NUP50: variants seen among roughly 807,000 people sequenced by gnomAD.
The protein encoded by NUP50 is nuclear pore complex protein Nup50.
Under a neutral mutation model 36.8 loss-of-function variants are expected in NUP50, and 14 were observed. That is an observed-to-expected ratio of 0.38 (90% confidence interval 0.25 to 0.59). The LOEUF (loss-of-function observed/expected upper bound fraction) is 0.59. NUP50 is among the 20% of genes least tolerant of loss of function. NUP50 has a pLI of 0.63. For missense variants in NUP50, 455 were observed against 564.6 expected (o/e 0.81, Z 1.97); for synonymous variants, 195 against 210.8 (o/e 0.93, Z 0.65).
intron 7 of NUP50, chr22:45,184,194 C>T: frequency 2.0e-6 from 1 of 493,118 alleles, no homozygotes; most frequent in Non-Finnish European, 3.6e-6. Flanking sequence ...AGCGAGGCTG[C>T]TGGCTCTGAG....
rs139118087 is a variant in NUP50, at chr22:45,185,582, C to T, written c.*927C>T. On this transcript the variant is annotated 3_prime_UTR_variant, in exon 8 of 8. Coordinates refer to ENST00000347635, the MANE Select transcript of NUP50 (RefSeq NM_007172.4). ...TGCCTGGGAGCTTTGACACACGAGC[C>T]GTGTGAATTCACTAGGAAACATGTA... The T allele has an allele frequency of 2.0e-5, 3 of 152,054 alleles. No homozygotes were observed. Among genetic ancestry groups the T allele is most frequent in the Admixed American group, 6.6e-5 (1 of 15,254 alleles). The allele number at this position is 152,054 out of a possible 1,614,324, so 9.4% of individuals were successfully genotyped here. A position where few individuals can be genotyped will look rare whatever the true frequency, so the allele number is the denominator to read the frequency against.
At chr22:45,181,220 A>C in intron 5 of NUP50, 66 bp from the exon 6 acceptor site, 1 of 1,145,616 alleles carries the variant, frequency 8.7e-7, no homozygotes, top group Non-Finnish European at 1.2e-6. Context: ...TTACGTAACA[A>C]AACTTCAGTC....
chr22:45,174,674 C>CTATGAAT (rs1273055811), intron 3 of NUP50, among the ~76,000 whole-genome samples: 1 of 145,432 alleles, frequency 6.9e-6, no homozygotes, highest in African/African-American at 2.6e-5. Flanking sequence ...TATAGTTTGT[C>CTATGAAT]CATGAATCAT....
rs114791101 is a variant in NUP50, at chr22:45,167,767, T to G, written c.-10-401T>G. ...TTTAAGAGAATTTTAAATATTAAAA[T>G]TATTTTCTTTATGACAAGACTTTCA... On this transcript the variant is annotated intron_variant, in intron 1 of 7. Transcript: ENST00000347635. Among the ~76,000 whole-genome samples, 861 of 152,346 alleles carry G rather than the reference T, an allele frequency of 5.7e-3. 11 individuals are homozygous for G. The highest frequency in any genetic ancestry group is 0.02 in the African/African-American group (823 of 41,558).
chr22:45,169,413 G>A (rs1601768866), intron 2 of NUP50, among the ~76,000 whole-genome samples: 3 of 152,150 alleles, frequency 2.0e-5, no homozygotes, highest in Admixed American at 2.0e-4. Flanking sequence ...GGATGTGGGC[G>A]AAGGATTACC....
intron 1 of NUP50, among the ~76,000 whole-genome samples, chr22:45,167,862 T>TA (rs2074119719): frequency 6.6e-6 from 1 of 152,216 alleles, no homozygotes; most frequent in African/African-American, 2.4e-5. Flanking sequence ...TCCAGATTTT[T>TA]AAAAAATCAA....
Position 45,175,882 on chromosome 22 carries a change from T to C in NUP50, c.154-12T>C, listed in dbSNP as rs1480815305. On this transcript the variant is annotated splice_polypyrimidine_tract_variant and intron_variant, in intron 3 of 7. Transcript: ENST00000347635. ...ACACTTACCTAATGTGTGCTCCTCC[T>C]TCATACTTCAGTCTGACACTGGAGG... 1.2e-6 allele frequency: 2 copies of C among 1,613,834 alleles called. No individual in the cohort carries two copies. Among genetic ancestry groups the C allele is most frequent in the East Asian group, 2.2e-5 (1 of 44,882 alleles).
Position 45,183,410 on chromosome 22 carries a change from T to C in NUP50, c.1094T>C (p.Leu365Pro). 1 of 1,582,766 alleles carries C rather than the reference T, an allele frequency of 6.3e-7. No homozygotes were observed. Among genetic ancestry groups the C allele is most frequent in the Non-Finnish European group, 8.7e-7 (1 of 1,153,404 alleles). ...ATTATTTTTCTCCATAGGTGTAAAC[T>C]GTTTTACAAGAAAGACAATGAGTTT... ...EDAFYSKKCK[L>P]FYKKDNEFKE... The change falls in exon 7 of 8, where the codon CTG becomes CCG. Residue 365 changes from leucine to proline, a missense_variant. By Grantham distance (98) the Leu-to-Pro change is moderately conservative. Coordinates refer to ENST00000347635, the MANE Select transcript of NUP50 (RefSeq NM_007172.4).
intron 6 of NUP50, among the ~76,000 whole-genome samples, chr22:45,182,577 A>AT: frequency 6.7e-6 from 1 of 148,202 alleles, no homozygotes; most frequent in Admixed American, 6.7e-5. Flanking sequence ...TTCCAAATTT[A>AT]TTTAAAAATG....
At chr22:45,168,065 C>T (rs1356790099) in intron 1 of NUP50, 103 bp from the exon 2 acceptor site, 3 of 828,292 alleles carry the variant, frequency 3.6e-6, no homozygotes, top group Non-Finnish European at 5.7e-6. Context: ...ATAAAAAAAC[C>T]AGAGATGTTT....
intron 2 of NUP50, among the ~76,000 whole-genome samples, chr22:45,168,559 C>G (rs2074131677): frequency 6.6e-6 from 1 of 152,154 alleles, no homozygotes; most frequent in South Asian, 2.1e-4. Flanking sequence ...CATTCTGAAC[C>G]CATGTTTGCA....
intron 6 of NUP50, among the ~76,000 whole-genome samples, chr22:45,182,983 G>T (rs1197044370): frequency 2.0e-5 from 3 of 150,182 alleles, no homozygotes; most frequent in South Asian, 2.1e-4. Flanking sequence ...AGGTGGGCGA[G>T]ATAGGACAGG....
In NUP50 at chr22:45,187,430, A is replaced by G. The variant is rs894693820; in HGVS notation, c.*2775A>G. 7.9e-4 allele frequency: 120 copies of G among 152,352 alleles called. No homozygotes were observed. Among genetic ancestry groups the G allele is most frequent in the African/African-American group, 2.8e-3 (115 of 41,422 alleles). The allele number at this position is 152,352 out of a possible 1,614,324, so 9.4% of individuals were successfully genotyped here. A position where few individuals can be genotyped will look rare whatever the true frequency, so the allele number is the denominator to read the frequency against. On this transcript the variant is annotated 3_prime_UTR_variant, in exon 8 of 8. Transcript: ENST00000347635. ...ATATGCTGCATGCCAAAAAAAAAAAAAAGAGAAAACTGCCTTTTCTGGTGT... is the reference window on the plus strand; with the variant it reads ...ATATGCTGCATGCCAAAAAAAAAAAGAAGAGAAAACTGCCTTTTCTGGTGT...
chr22:45,187,518 A>G lies in NUP50; in HGVS notation c.*2863A>G, dbSNP rs1459009186. 2.0e-5 allele frequency: 3 copies of G among 152,132 alleles called. No homozygotes were observed. Among genetic ancestry groups the G allele is most frequent in the African/African-American group, 4.8e-5 (2 of 41,436 alleles). 9.4% of individuals were successfully genotyped at this position (152,132 alleles called of 1,614,324 possible). On this transcript the variant is annotated 3_prime_UTR_variant, in exon 8 of 8. Coordinates refer to ENST00000347635, the MANE Select transcript of NUP50 (RefSeq NM_007172.4). ...GAGTTCAAAACAAGTTTTCACTGAG[A>G]GCCTTTTCAGTAAAAGTTAAACAAG...
rs1213535149 is a variant in NUP50 at position 45,185,778 on chromosome 22, C to G, written c.*1123C>G. 6.6e-6 allele frequency: 1 copy of G among 152,178 alleles called. No individual in the cohort carries two copies. Among genetic ancestry groups the G allele is most frequent in the African/African-American group, 2.4e-5 (1 of 41,440 alleles). 9.4% of individuals were successfully genotyped at this position (152,178 alleles called of 1,614,324 possible). A position where few individuals can be genotyped will look rare whatever the true frequency, so the allele number is the denominator to read the frequency against. ...TCACACGAATATCCCTGTCACTTCT[C>G]CAGAGGTGTCAGGTAACTAACACGA... is the stretch of plus-strand genomic sequence containing the variant. On this transcript the variant is annotated 3_prime_UTR_variant, in exon 8 of 8. Coordinates refer to ENST00000347635, the MANE Select transcript of NUP50 (RefSeq NM_007172.4).
At position 45,186,399 on chromosome 22, in the gene NUP50, A is replaced by G. The variant is rs1348191889; in HGVS notation, c.*1744A>G. 6.6e-6 allele frequency: 1 copy of G among 152,238 alleles called. No individual in the cohort carries two copies. The highest frequency in any genetic ancestry group is 2.4e-5 in the African/African-American group (1 of 41,462). The allele number at this position is 152,238 out of a possible 1,614,324, so 9.4% of individuals were successfully genotyped here. ...TTAATACCGGCCCCACCCGATTGAC[A>G]TTAAGTTTATTCAGCTTTTAAAAAG... On this transcript the variant is annotated 3_prime_UTR_variant, in exon 8 of 8. Transcript: ENST00000347635.
intron 7 of NUP50, 169 bp from the exon 8 acceptor site, chr22:45,184,284 C>T (rs908045757): frequency 3.2e-5 from 21 of 647,782 alleles, no homozygotes; most frequent in Non-Finnish European, 4.3e-5. Context: ...AAGTGCTCCC[C>T]GAGGCCTCCC....
intron 1 of NUP50, among the ~76,000 whole-genome samples, chr22:45,167,293 T>C (rs1601765527): frequency 6.6e-6 from 1 of 152,190 alleles, no homozygotes; most frequent in South Asian, 2.1e-4. Flanking sequence ...GCTGGAGAGT[T>C]AGTGAAGAAG....
chr22:45,169,248 T>A (rs747748991), intron 2 of NUP50, among the ~76,000 whole-genome samples: 4 of 152,122 alleles, frequency 2.6e-5, no homozygotes, highest in Middle Eastern at 3.2e-3. Context: ...CATGAGCCTA[T>A]AGTCACAGCA....
Sources: gnomAD v4.1 joint callset for allele counts (sites outside exome capture counted in the v4.1 genomes callset) on GRCh38, gnomAD v4.1.1 for gene constraint, MANE v1.5 for transcripts, NCBI Gene and HGNC (gene_info 2026-07-23, HGNC 2026-07-21) for gene names.